Variants in CCSER2 observed in about 807,000 individuals in gnomAD.
CCSER2 encodes the protein serine-rich coiled-coil domain-containing protein 2.
A neutral mutation model predicts 92.3 loss-of-function variants in CCSER2; 46 were observed. The observed-to-expected ratio is 0.50, with a 90% CI of 0.39 to 0.64. The LOEUF is 0.64. Among genes scored for constraint, CCSER2 ranks in the 30% least tolerant of loss-of-function variants. The probability of loss-of-function intolerance (pLI) is 0.00; values close to 1 mark genes in which losing one functional copy is unlikely to be tolerated. For missense variants in CCSER2, 1,244 were observed against 1,238.9 expected (o/e 1.00, Z -0.06); for synonymous variants, 433 against 431.4 (o/e 1.00, Z -0.04).
chr10:84,506,748 T>C (rs1849070606), intron 9 of CCSER2, among the ~76,000 whole-genome samples: 1 of 151,666 alleles, frequency 6.6e-6, no homozygotes, highest in African/African-American at 2.4e-5. Flanking sequence ...TGAGCCAAGA[T>C]TGCACTACTG....
rs748695861 is a variant in CCSER2, at chr10:84,371,354, C to T, written c.302C>T (p.Thr101Ile). 16 of 1,613,636 alleles carry T rather than the reference C, an allele frequency of 9.9e-6. No homozygotes were observed. The highest frequency in any genetic ancestry group is 1.4e-5 in the Non-Finnish European group (16 of 1,179,808). Residue 101 changes from threonine (T) to isoleucine (I), a missense_variant, in exon 2 of 10, where the codon ACT becomes ATT. Physicochemically the swap from Thr to Ile is moderately conservative, Grantham distance 89. Transcript: ENST00000372088. Reference sequence around the variant, plus strand: ...ATTGATCCTGAAAAACGTGTTCCTACTCAAGGAATGTTTGATAAAAATGGG... The same window carrying T: ...ATTGATCCTGAAAAACGTGTTCCTATTCAAGGAATGTTTGATAAAAATGGG... ...KIIDPEKRVPTQGMFDKNGIK... is the reference protein window; with the variant it reads ...KIIDPEKRVPIQGMFDKNGIK...
At chr10:84,391,993 C>A in intron 3 of CCSER2, 1 of 1,335,336 alleles carries the variant, frequency 7.5e-7, no homozygotes, top group Non-Finnish European at 1.1e-6. Context: ...AGGCATTTCT[C>A]TGACCAGTTT....
At chr10:84,511,591 AAT>A (rs1429889719) in intron 9 of CCSER2, among the ~76,000 whole-genome samples, 1 of 152,200 alleles carries the variant, frequency 6.6e-6, no homozygotes, top group Non-Finnish European at 1.5e-5. Flanking sequence ...TTGGAACTAG[AAT>A]ATCTTACCAT....
At chr10:84,337,968 G>A (rs1843933285) in intron 1 of CCSER2, among the ~76,000 whole-genome samples, 1 of 152,182 alleles carries the variant, frequency 6.6e-6, no homozygotes, top group African/African-American at 2.4e-5. Flanking sequence ...CTTTTTATCT[G>A]TAGCTATCAG....
intron 9 of CCSER2, among the ~76,000 whole-genome samples, chr10:84,491,562 G>A (rs1015361411): frequency 2.0e-5 from 3 of 152,156 alleles, no homozygotes; most frequent in African/African-American, 7.2e-5. Flanking sequence ...TAATTTCCTG[G>A]TGTGCCGTTT....
intron 1 of CCSER2, among the ~76,000 whole-genome samples, chr10:84,367,675 C>A (rs11816501): frequency 0.024 from 3,563 of 151,598 alleles, 129 homozygotes; most frequent in African/African-American, 0.081. Flanking sequence ...TTTCTCCTTG[C>A]CATTTGTTTA....
At chr10:84,434,256 ATCT>A (rs1843969067) in intron 5 of CCSER2, among the ~76,000 whole-genome samples, 3 of 152,186 alleles carry the variant, frequency 2.0e-5, no homozygotes, top group Non-Finnish European at 2.9e-5. Context: ...AAACTGCATC[ATCT>A]TCTCAGAATC....
At chr10:84,496,682 G>T (rs1486559196) in intron 9 of CCSER2, among the ~76,000 whole-genome samples, 1 of 152,174 alleles carries the variant, frequency 6.6e-6, no homozygotes, top group Non-Finnish European at 1.5e-5. Flanking sequence ...TGCATTGCTA[G>T]TCTTCCTCTT....
chr10:84,375,772 TA>T (rs1846299590), intron 3 of CCSER2, among the ~76,000 whole-genome samples: 1 of 151,752 alleles, frequency 6.6e-6, no homozygotes, highest in African/African-American at 2.4e-5. Flanking sequence ...TTAATCCTTT[TA>T]TGTTTGTATT....
intron 3 of CCSER2, chr10:84,391,196 C>T (rs1841498661): frequency 1.1e-6 from 1 of 950,680 alleles, no homozygotes; most frequent in African/African-American, 1.6e-5. Context: ...GGCTTTCTTC[C>T]ATACTGTGAA....
At chr10:84,478,750 A>G (rs1304133062) in intron 9 of CCSER2, among the ~76,000 whole-genome samples, 1 of 152,232 alleles carries the variant, frequency 6.6e-6, no homozygotes, top group Non-Finnish European at 1.5e-5. Context: ...TGATGTAGTT[A>G]AAGTGCTGTG....
rs11201070 is a variant in CCSER2, at chr10:84,499,159, G to A, written c.2326-14290G>A. Among the ~76,000 whole-genome samples, 599 of 151,402 alleles carry A rather than the reference G, an allele frequency of 4.0e-3. 3 individuals are homozygous for A. Among genetic ancestry groups the A allele is most frequent in the African/African-American group, 0.013 (552 of 41,278 alleles). ...AAGAAATTTTATTTTTTTTTGAGAC[G>A]GAGTCTTGCTCTGTTGCCCAGGCTG... is the stretch of plus-strand genomic sequence containing the variant. On this transcript the variant is annotated intron_variant, in intron 9 of 9. Transcript: ENST00000372088.
chr10:84,394,785 C>T (rs1267719935), intron 3 of CCSER2, among the ~76,000 whole-genome samples: 1 of 151,960 alleles, frequency 6.6e-6, no homozygotes, highest in African/African-American at 2.4e-5. Context: ...TCATACACCC[C>T]ACCTATGTAT....
At chr10:84,450,619 A>G (rs564778162) in intron 6 of CCSER2, among the ~76,000 whole-genome samples, 2 of 152,344 alleles carry the variant, frequency 1.3e-5, no homozygotes, top group South Asian at 2.1e-4. Context: ...TAAGGCAGCT[A>G]TCACTGCATC....
rs1216584461 is a variant in CCSER2, at chr10:84,372,205, G to A, written c.1153G>A (p.Ala385Thr). 6.2e-7 allele frequency: 1 copy of A among 1,613,568 alleles called. No individual in the cohort carries two copies. The highest frequency in any genetic ancestry group is 2.2e-5 in the East Asian group (1 of 44,860). Reference protein sequence around the residue: ...TKNNQTMKHDAKMRYLSDDVD... With the variant: ...TKNNQTMKHDTKMRYLSDDVD... ...AAACAACCAGACCATGAAACATGAT[G>A]CTAAAATGAGATACCTGAGTGATGA... The change falls in exon 2 of 10, where the codon GCT (alanine) becomes ACT (threonine). Residue 385 changes from alanine to threonine, a missense_variant. Coordinates refer to ENST00000372088, the MANE Select transcript of CCSER2 (RefSeq NM_001284240.2).
chr10:84,329,066 G>GCGC (rs1219690897), intron 1 of CCSER2, among the ~76,000 whole-genome samples: 1 of 152,042 alleles, frequency 6.6e-6, no homozygotes, highest in East Asian at 1.9e-4. Flanking sequence ...CGGGCCGCGG[G>GCGC]CGCCGCCGCC....
At position 84,417,862 on chromosome 10, in the gene CCSER2, G is replaced by A; in HGVS notation, c.1705+1G>A. 6.7e-7 allele frequency: 1 copy of A among 1,496,968 alleles called. No homozygotes were observed. Among genetic ancestry groups the A allele is most frequent in the Non-Finnish European group, 9.3e-7 (1 of 1,073,472 alleles). The allele number at this position is 1,496,968 out of a possible 1,614,324, so 92.7% of individuals were successfully genotyped here. ...CCTGAGGATGCACCTCTTGAAAATG[G>A]TAAGTTGAGACAATATTGAACCTTC... On this transcript the variant is annotated splice_donor_variant, in intron 4 of 9. Transcript: ENST00000372088. LOFTEE classifies it high-confidence loss of function.
intron 1 of CCSER2, among the ~76,000 whole-genome samples, chr10:84,349,929 G>A (rs1182939603): frequency 6.6e-6 from 1 of 152,098 alleles, no homozygotes; most frequent in Non-Finnish European, 1.5e-5. Flanking sequence ...CCAGGCAGGC[G>A]GATCACCTGA....
At chr10:84,465,822 C>T (rs1285739129) in intron 7 of CCSER2, among the ~76,000 whole-genome samples, 1 of 151,870 alleles carries the variant, frequency 6.6e-6, no homozygotes, top group Non-Finnish European at 1.5e-5. Flanking sequence ...ATGATCTTGG[C>T]TCACTGCAAG....
Sources: allele counts gnomAD v4.1 joint callset (sites outside exome capture counted in the v4.1 genomes callset), GRCh38; gene constraint gnomAD v4.1.1; transcripts MANE v1.5; gene names NCBI Gene and HGNC (gene_info 2026-07-23, HGNC 2026-07-21).